Variants in DPP10 observed in about 807,000 individuals in gnomAD.
DPP10 encodes the protein dipeptidyl peptidase like 10.
In DPP10, 33 loss-of-function variants were observed where a neutral mutation model predicts 120.9. The ratio of observed to expected loss-of-function variants is 0.27; its 90% confidence interval spans 0.21 to 0.37. The LOEUF is 0.37. Ranked by LOEUF, DPP10 falls within the 10% of genes least tolerant of loss-of-function variation. DPP10 has a pLI of 1.00. For synonymous variants in DPP10, 337 were observed against 326.1 expected (o/e 1.03, Z -0.36); for missense variants, 816 against 942.8 (o/e 0.87, Z 1.76).
intron 5 of DPP10, among the ~76,000 whole-genome samples, chr2:115,617,623 C>A (rs2084622758): frequency 6.6e-6 from 1 of 151,736 alleles, no homozygotes; most frequent in Non-Finnish European, 1.5e-5. Context: ...GCTTTTAGGA[C>A]ATTAACATAC....
intron 1 of DPP10, among the ~76,000 whole-genome samples, chr2:114,765,939 T>A (rs1002523940): frequency 6.6e-6 from 1 of 152,116 alleles, no homozygotes; most frequent in Non-Finnish European, 1.5e-5. Flanking sequence ...TCAGGGGTCA[T>A]ACAGATTAAA....
intron 3 of DPP10, among the ~76,000 whole-genome samples, chr2:115,353,017 A>T (rs539037738): frequency 6.6e-6 from 1 of 152,278 alleles, no homozygotes; most frequent in African/African-American, 2.4e-5. Flanking sequence ...GTTCAAAAAA[A>T]AAATATAATT....
chr2:115,667,092 T>C (rs1291741359), intron 5 of DPP10, among the ~76,000 whole-genome samples: 1 of 152,206 alleles, frequency 6.6e-6, no homozygotes, highest in Non-Finnish European at 1.5e-5. Flanking sequence ...TATTTGCTTT[T>C]CTCTAATGAT....
intron 3 of DPP10, among the ~76,000 whole-genome samples, chr2:115,383,875 G>A (rs1421640714): frequency 6.6e-6 from 1 of 152,162 alleles, no homozygotes; most frequent in Non-Finnish European, 1.5e-5. Context: ...TCTCAGCAAT[G>A]TAGAGCTACT....
chr2:114,679,010 G>T (rs2105692371), intron 1 of DPP10, among the ~76,000 whole-genome samples: 1 of 152,118 alleles, frequency 6.6e-6, no homozygotes, highest in South Asian at 2.1e-4. Flanking sequence ...AACAATTTGA[G>T]ACCCTCGTTC....
At chr2:115,313,103 G>T (rs1389368963) in intron 2 of DPP10, among the ~76,000 whole-genome samples, 1 of 152,046 alleles carries the variant, frequency 6.6e-6, no homozygotes, top group Non-Finnish European at 1.5e-5. Flanking sequence ...TGCACCTGTA[G>T]TCCCAGCTAC....
intron 1 of DPP10, among the ~76,000 whole-genome samples, chr2:115,200,105 TG>T (rs1164907704): frequency 6.6e-6 from 1 of 152,196 alleles, no homozygotes; most frequent in Non-Finnish European, 1.5e-5. Context: ...GAGTGCTTTT[TG>T]TTCCCCCACA....
At chr2:115,296,965 T>C (rs569744152) in intron 1 of DPP10, among the ~76,000 whole-genome samples, 2 of 152,216 alleles carry the variant, frequency 1.3e-5, no homozygotes, top group Middle Eastern at 6.8e-3. Flanking sequence ...GACTCAATAA[T>C]AGTTAATCCT....
intron 1 of DPP10, among the ~76,000 whole-genome samples, chr2:114,872,208 GA>G (rs1464231974): frequency 6.6e-6 from 1 of 152,150 alleles, no homozygotes; most frequent in African/African-American, 2.4e-5. Flanking sequence ...GAGGCCTCAG[GA>G]AACTTACAAT....
At chr2:115,219,141 A>T (rs945990678) in intron 1 of DPP10, among the ~76,000 whole-genome samples, 9 of 152,130 alleles carry the variant, frequency 5.9e-5, no homozygotes, top group Admixed American at 4.6e-4. Context: ...ATAACATGTT[A>T]AAAAAGTGAA....
intron 1 of DPP10, among the ~76,000 whole-genome samples, chr2:114,640,761 G>A (rs1205769280): frequency 6.6e-6 from 1 of 151,862 alleles, no homozygotes; most frequent in Non-Finnish European, 1.5e-5. Context: ...TTGGCCCAAT[G>A]GACCAGGCAT....
At chr2:115,551,015 T>G (rs2079838569) in intron 5 of DPP10, among the ~76,000 whole-genome samples, 1 of 152,090 alleles carries the variant, frequency 6.6e-6, no homozygotes, top group Admixed American at 6.6e-5. Context: ...TCATATTCCT[T>G]TTTTTTCTCT....
chr2:115,463,318 C>A (rs1165027551), intron 3 of DPP10, among the ~76,000 whole-genome samples: 1 of 152,162 alleles, frequency 6.6e-6, no homozygotes, highest in Non-Finnish European at 1.5e-5. Context: ...TGACAAGTTA[C>A]TGACTACTAT....
At chr2:114,777,403 G>GAAGATATTCACATTACTCTTCTCT (rs1306794754) in intron 1 of DPP10, among the ~76,000 whole-genome samples, 14 of 150,488 alleles carry the variant, frequency 9.3e-5, no homozygotes, top group Non-Finnish European at 1.9e-4. Flanking sequence ...GGGTTTTCAG[G>GAAGATATTCACATTACTCTTCTCT]GCCCTTTTTT....
In DPP10 at chr2:115,189,588, C is replaced by A. The variant is rs1046244551; in HGVS notation, c.61-119651C>A. Among the ~76,000 whole-genome samples the A allele has an allele frequency of 5.9e-5, 9 of 151,374 alleles. No homozygotes were observed. The South Asian group carries it at 1.2e-3, about 21-fold the overall frequency. On this transcript the variant is annotated intron_variant, in intron 1 of 25. Coordinates refer to ENST00000410059, the MANE Select transcript of DPP10 (RefSeq NM_020868.6). ...CTTGGGGTTCACTATATTTAACAAT[C>A]CCCCATCTTGAATTTTTTCAGTTCT... is the stretch of plus-strand genomic sequence containing the variant.
chr2:115,132,379 C>T (rs770484087), intron 1 of DPP10, among the ~76,000 whole-genome samples: 8 of 152,028 alleles, frequency 5.3e-5, no homozygotes, highest in South Asian at 2.1e-4. Context: ...AAGGCCTGGC[C>T]GCATTAATGG....
intron 21 of DPP10, among the ~76,000 whole-genome samples, chr2:115,826,478 T>C (rs1688327963): frequency 2.6e-5 from 4 of 152,130 alleles, no homozygotes; most frequent in Admixed American, 2.6e-4. Flanking sequence ...CCCAGCACTT[T>C]GGGAGGCCTA....
intron 1 of DPP10, among the ~76,000 whole-genome samples, chr2:114,765,519 C>A (rs2106121543): frequency 6.6e-6 from 1 of 152,236 alleles, no homozygotes; most frequent in African/African-American, 2.4e-5. Context: ...ATGCTTCAGG[C>A]ATTGTGGCCG....
intron 1 of DPP10, among the ~76,000 whole-genome samples, chr2:114,456,776 G>A (rs1191529769): frequency 6.6e-6 from 1 of 152,114 alleles, no homozygotes; most frequent in Non-Finnish European, 1.5e-5. Flanking sequence ...TTAAAATAGG[G>A]CATAAGAGGC....
Sources: allele counts gnomAD v4.1 joint callset (sites outside exome capture counted in the v4.1 genomes callset), GRCh38; gene constraint gnomAD v4.1.1; transcripts MANE v1.5; gene names NCBI Gene and HGNC (gene_info 2026-07-23, HGNC 2026-07-21).